Variants in GCNT1 observed in about 807,000 individuals in gnomAD.
GCNT1 encodes glucosaminyl (N-acetyl) transferase 1.
In GCNT1, 16 loss-of-function variants were observed where a neutral mutation model predicts 26.2. The ratio of observed to expected loss-of-function variants is 0.61; its 90% CI spans 0.41 to 0.93. The LOEUF is 0.93. GCNT1 is among the 40% of genes least tolerant of loss of function. The probability of loss-of-function intolerance (pLI) is 0.00; values close to 1 mark genes in which losing one functional copy is unlikely to be tolerated. For missense variants in GCNT1, 477 were observed against 526.7 expected, an observed-to-expected ratio of 0.91 and a Z score of 0.92; for synonymous variants, 183 against 190.8, an observed-to-expected ratio of 0.96 and a Z score of 0.34.
upstream of GCNT1, among the ~76,000 whole-genome samples, chr9:76,454,386 GAAAAAAAA>G (rs71372084): frequency 4.0e-4 from 16 of 39,608 alleles, no homozygotes; most frequent in African/African-American, 1.2e-3. Flanking sequence ...TCTCAGAAAA[GAAAAAAAA>G]AAAAAAAAAA....
At chr9:76,481,347 A>G (rs1824416868) in intron 2 of GCNT1, among the ~76,000 whole-genome samples, 1 of 151,934 alleles carries the variant, frequency 6.6e-6, no homozygotes, top group African/African-American at 2.4e-5. Context: ...CTCACTGCCA[A>G]GGATGGCTTT....
chr9:76,395,646 A>G, the GCNT1 span, among the ~76,000 whole-genome samples: 1 of 152,148 alleles, frequency 6.6e-6, no homozygotes, highest in South Asian at 2.1e-4. Context: ...AGGGGAAGGG[A>G]AAGTGAAAGG....
chr9:76,497,089 C>T (rs1824926521), intron 2 of GCNT1, among the ~76,000 whole-genome samples: 1 of 152,172 alleles, frequency 6.6e-6, no homozygotes, highest in African/African-American at 2.4e-5. Context: ...TCCTCACTGG[C>T]AAATCCCACC....
the GCNT1 span, among the ~76,000 whole-genome samples, chr9:76,398,172 G>C: frequency 6.6e-6 from 1 of 152,304 alleles, no homozygotes; most frequent in East Asian, 1.9e-4. Context: ...AGAGAAAGTA[G>C]AACTGGCAGC....
At chr9:76,432,284 C>G (rs1378712791) in intron 1 of GCNT1, among the ~76,000 whole-genome samples, 1 of 152,068 alleles carries the variant, frequency 6.6e-6, no homozygotes, top group African/African-American at 2.4e-5. Context: ...TTAAAATTGT[C>G]TAGTGAAAAT....
At chr9:76,469,999 T>C (rs1270751259) in intron 2 of GCNT1, among the ~76,000 whole-genome samples, 2 of 152,144 alleles carry the variant, frequency 1.3e-5, no homozygotes, top group Non-Finnish European at 2.9e-5. Flanking sequence ...CAGTAGTAGA[T>C]ACATAGAATT....
intron 3 of GCNT1, chr9:76,501,989 T>A (rs1825081959): frequency 6.6e-6 from 1 of 152,204 alleles, no homozygotes; most frequent in Admixed American, 6.6e-5. Context: ...TTGGGGTTTG[T>A]TTTTTCTTTT....
upstream of GCNT1, among the ~76,000 whole-genome samples, chr9:76,457,457 C>T (rs574488190): frequency 2.3e-4 from 35 of 152,252 alleles, no homozygotes; most frequent in African/African-American, 7.9e-4. Flanking sequence ...GTATGTTGGC[C>T]AGGCTGGACT....
chr9:76,476,932 A>G (rs1237761388), intron 2 of GCNT1, among the ~76,000 whole-genome samples: 1 of 151,480 alleles, frequency 6.6e-6, no homozygotes, highest in Non-Finnish European at 1.5e-5. Context: ...TTATTTGTTT[A>G]GACAGAGTCT....
the GCNT1 span, among the ~76,000 whole-genome samples, chr9:76,408,833 G>A: frequency 6.6e-6 from 1 of 151,948 alleles, no homozygotes; most frequent in Admixed American, 6.6e-5. Flanking sequence ...GATTACAGGA[G>A]TGTGCCATGA....
chr9:76,439,278 G>A (rs374267761), upstream of GCNT1, among the ~76,000 whole-genome samples: 152 of 140,774 alleles, frequency 1.1e-3, no homozygotes, highest in African/African-American at 3.9e-3. Flanking sequence ...AGGCTGGAGT[G>A]CAGTGGTGTG....
At chr9:76,484,224 C>G (rs1026195790) in intron 2 of GCNT1, among the ~76,000 whole-genome samples, 1 of 152,040 alleles carries the variant, frequency 6.6e-6, no homozygotes, top group Non-Finnish European at 1.5e-5. Context: ...GAGACCCTAT[C>G]TCTACAAAAA....
At chr9:76,394,186 G>C in the GCNT1 span, 12 of 1,585,980 alleles carry the variant, frequency 7.6e-6, no homozygotes, top group African/African-American at 1.2e-4. Context: ...CAGTCCGCTC[G>C]GGGAATGGGC....
chr9:76,496,699 G>C (rs914075083), intron 2 of GCNT1, among the ~76,000 whole-genome samples: 2 of 152,060 alleles, frequency 1.3e-5, no homozygotes, highest in Non-Finnish European at 2.9e-5. Context: ...TAAAAGATAA[G>C]TATTTATTTT....
the GCNT1 span, among the ~76,000 whole-genome samples, chr9:76,405,937 G>C: frequency 6.6e-6 from 1 of 152,160 alleles, no homozygotes; most frequent in Non-Finnish European, 1.5e-5. Context: ...CATGTGGTAA[G>C]AGTATGTTTA....
chr9:76,414,319 G>A, the GCNT1 span, among the ~76,000 whole-genome samples: 18 of 152,284 alleles, frequency 1.2e-4, no homozygotes, highest in Admixed American at 1.1e-3. Context: ...CTTTAGCGAT[G>A]TGCTGGTAAG....
upstream of GCNT1, among the ~76,000 whole-genome samples, chr9:76,418,694 G>A (rs1823153050): frequency 6.6e-6 from 1 of 152,222 alleles, no homozygotes. Context: ...AGGGGAAGGG[G>A]AGTTGAGGGT....
the GCNT1 span, among the ~76,000 whole-genome samples, chr9:76,408,211 C>T: frequency 1.3e-5 from 2 of 152,144 alleles, no homozygotes; most frequent in Non-Finnish European, 2.9e-5. Flanking sequence ...CCTGCTCCTG[C>T]TCTGGGAAAG....
intron 1 of GCNT1, among the ~76,000 whole-genome samples, chr9:76,445,406 T>A (rs1158912636): frequency 2.6e-5 from 4 of 152,076 alleles, no homozygotes; most frequent in South Asian, 2.1e-4. Flanking sequence ...TTATTTATTT[T>A]TTTGACAGTC....
Sources: gnomAD v4.1 joint callset for allele counts (sites outside exome capture counted in the v4.1 genomes callset) on GRCh38, gnomAD v4.1.1 for gene constraint, MANE v1.5 for transcripts, NCBI Gene and HGNC (gene_info 2026-07-23, HGNC 2026-07-21) for gene names.